Variants in RPH3A observed in about 807,000 individuals in gnomAD.
The protein encoded by RPH3A is rabphilin-3A.
RPH3A carries 48 observed loss-of-function variants against 102.2 expected under a neutral mutation model. The ratio of observed to expected loss-of-function variants is 0.47; its 90% CI spans 0.37 to 0.60. RPH3A has a LOEUF of 0.60. Ranked by LOEUF, RPH3A falls within the 20% of genes least tolerant of loss-of-function variation. The pLI is 0.00. For missense variants in RPH3A, 781 were observed against 910.1 expected (o/e 0.86, Z 1.83); for synonymous variants, 310 against 324.3 (o/e 0.96, Z 0.47).
chr12:112,880,550 GAGCCCCATGAAGCAGGAGTTGCTGCC>G (rs1223772868), intron 14 of RPH3A, among the ~76,000 whole-genome samples: 3 of 152,120 alleles, frequency 2.0e-5, no homozygotes, highest in Non-Finnish European at 4.4e-5. Context: ...AATCCTCTAA[GAGCCCCATGAAGCAGGAGTTGCTGCC>G]AGCCCCATTG....
At chr12:112,688,357 G>C (rs1370578628) in intron 1 of RPH3A, among the ~76,000 whole-genome samples, 1 of 152,184 alleles carries the variant, frequency 6.6e-6, no homozygotes, top group Non-Finnish European at 1.5e-5. Context: ...TTCTAGGAGA[G>C]AGACCTAGCA....
At chr12:112,649,300 A>G (rs1318640470) in intron 1 of RPH3A, 1 of 152,166 alleles carries the variant, frequency 6.6e-6, no homozygotes. Flanking sequence ...GCACATTTTT[A>G]TTTTGAATTA....
chr12:112,871,691 A>G (rs758836274), intron 10 of RPH3A, among the ~76,000 whole-genome samples: 11 of 150,700 alleles, frequency 7.3e-5, no homozygotes, highest in African/African-American at 2.0e-4. Flanking sequence ...TCTATTGTGT[A>G]TTTATATAGT....
chr12:112,604,889 C>T (rs1182913943), intron 1 of RPH3A, among the ~76,000 whole-genome samples: 1 of 152,200 alleles, frequency 6.6e-6, no homozygotes, highest in Non-Finnish European at 1.5e-5. Flanking sequence ...AGCTGGCCAC[C>T]CCCAGAGTGA....
chr12:112,853,923 G>C (rs1346272035), intron 5 of RPH3A, among the ~76,000 whole-genome samples: 1 of 152,096 alleles, frequency 6.6e-6, no homozygotes, highest in East Asian at 1.9e-4. Context: ...AATGAATAAT[G>C]CATACTAAGT....
intron 10 of RPH3A, among the ~76,000 whole-genome samples, chr12:112,871,846 C>G (rs1254597013): frequency 6.7e-6 from 1 of 148,868 alleles, no homozygotes. Flanking sequence ...AGTGCATATA[C>G]TATATATAGT....
rs937015850 is a variant in RPH3A at position 112,717,810 on chromosome 12, C to G, written c.-139-74333C>G. Among the ~76,000 whole-genome samples the G allele has an allele frequency of 2.0e-5, 3 of 151,774 alleles. No individual in the cohort carries two copies. In the South Asian group the frequency reaches 6.2e-4, roughly 32 times the overall value. On this transcript the variant is annotated intron_variant, in intron 1 of 21. Coordinates refer to the RPH3A transcript ENST00000543106. ...TATGTTTAACTTTATCACAAATTGCCAAACTGTTTTCCATGGTGGGTGTAC... is the reference window on the plus strand; with the variant it reads ...TATGTTTAACTTTATCACAAATTGCGAAACTGTTTTCCATGGTGGGTGTAC...
chr12:112,578,523 T>C (rs1192105028), intron 1 of RPH3A, among the ~76,000 whole-genome samples: 1 of 152,166 alleles, frequency 6.6e-6, no homozygotes, highest in Non-Finnish European at 1.5e-5. Context: ...TTGTAAATCT[T>C]TGGGAGGTAG....
Position 112,897,046 on chromosome 12 carries a change from A to C in RPH3A, c.*266A>C, listed in dbSNP as rs1168284279. 2 of 417,428 alleles carry C rather than the reference A, an allele frequency of 4.8e-6. No homozygotes were observed. Among genetic ancestry groups the C allele is most frequent in the African/African-American group, 2.0e-5 (1 of 50,420 alleles). The allele number at this position is 417,428 out of a possible 1,614,324, so 25.9% of individuals were successfully genotyped here. A position where few individuals can be genotyped will look rare whatever the true frequency, so the allele number is the denominator to read the frequency against. On this transcript the variant is annotated 3_prime_UTR_variant, in exon 22 of 22. Coordinates refer to ENST00000389385, the MANE Select transcript of RPH3A (RefSeq NM_001143854.2). ...TGGGGTTGGGGAGACGTTTACAAAG[A>C]GGTTGATCATTTAATAACCTCTCAG...
intron 2 of RPH3A, among the ~76,000 whole-genome samples, chr12:112,827,340 G>A (rs1412607249): frequency 6.6e-6 from 1 of 152,166 alleles, no homozygotes; most frequent in African/African-American, 2.4e-5. Context: ...CTTTCAGTTA[G>A]CATCATGTTT....
intron 1 of RPH3A, among the ~76,000 whole-genome samples, chr12:112,681,797 A>G (rs12307416): frequency 0.028 from 4,317 of 152,334 alleles, 211 homozygotes; most frequent in African/African-American, 0.099. Context: ...GGGCAAGCAG[A>G]TAAAAGTGAC....
intron 1 of RPH3A, among the ~76,000 whole-genome samples, chr12:112,695,397 TA>T (rs1566263478): frequency 6.6e-6 from 1 of 152,266 alleles, no homozygotes; most frequent in East Asian, 1.9e-4. Context: ...TAAGCACATT[TA>T]AAAAAATCTT....
intron 5 of RPH3A, among the ~76,000 whole-genome samples, chr12:112,862,784 C>T (rs1296272262): frequency 6.6e-6 from 1 of 152,226 alleles, no homozygotes; most frequent in Non-Finnish European, 1.5e-5. Flanking sequence ...GGATAAGCTG[C>T]TATTTATGGC....
chr12:112,596,740 A>C (rs2039519842), intron 1 of RPH3A, among the ~76,000 whole-genome samples: 2 of 152,222 alleles, frequency 1.3e-5, no homozygotes, highest in South Asian at 2.1e-4. Flanking sequence ...TCAGCTAATA[A>C]ATTTCAATAA....
intron 11 of RPH3A, 69 bp downstream of exon 11, chr12:112,875,239 C>A: frequency 1.6e-6 from 2 of 1,240,740 alleles, no homozygotes; most frequent in Non-Finnish European, 2.2e-6. Context: ...ACCTCCCATC[C>A]CTGCTTGCAG....
At chr12:112,769,857 G>A (rs2040915799) in intron 1 of RPH3A, among the ~76,000 whole-genome samples, 1 of 152,094 alleles carries the variant, frequency 6.6e-6, no homozygotes, top group East Asian at 1.9e-4. Context: ...TACAAATAAG[G>A]CTAACATCAT....
At chr12:112,870,288 A>T (rs887923801) in intron 10 of RPH3A, among the ~76,000 whole-genome samples, 9 of 141,782 alleles carry the variant, frequency 6.3e-5, no homozygotes, top group Non-Finnish European at 1.2e-4. Context: ...GTCAGAAAGC[A>T]TGATTTTTTT....
intron 5 of RPH3A, among the ~76,000 whole-genome samples, chr12:112,850,004 A>G (rs897908969): frequency 6.6e-6 from 1 of 152,078 alleles, no homozygotes; most frequent in Admixed American, 6.5e-5. Context: ...GAACAGGGTA[A>G]ATGAGGTCCC....
intron 1 of RPH3A, among the ~76,000 whole-genome samples, chr12:112,673,461 G>C (rs1196793325): frequency 3.9e-5 from 6 of 151,922 alleles, no homozygotes. Context: ...CTCTGGAGTA[G>C]CTGGGACTAC....
Sources: allele counts gnomAD v4.1 joint callset (sites outside exome capture counted in the v4.1 genomes callset), GRCh38; gene constraint gnomAD v4.1.1; transcripts MANE v1.5; gene names NCBI Gene and HGNC (gene_info 2026-07-23, HGNC 2026-07-21).